The following PDLIM4 variants were observed in gnomAD, a reference collection of about 807,000 sequenced individuals.
PDLIM4 encodes the protein PDZ and LIM domain protein 4.
Under a neutral mutation model 31.3 loss-of-function variants are expected in PDLIM4, and 19 were observed. That is an observed-to-expected ratio of 0.61 (90% CI 0.42 to 0.89). The LOEUF (loss-of-function observed/expected upper bound fraction) is 0.89. Ranked by LOEUF, PDLIM4 falls within the 40% of genes least tolerant of loss-of-function variation. PDLIM4 has a pLI of 0.00. For synonymous variants in PDLIM4, 176 were observed against 190.1 expected, an observed-to-expected ratio of 0.93 and a Z score of 0.61; for missense variants, 442 against 461.1, an observed-to-expected ratio of 0.96 and a Z score of 0.38.
In PDLIM4 at chr5:132,263,658, G is replaced by A. The variant is rs73787103; in HGVS notation, c.245+898G>A. Among the ~76,000 whole-genome samples the A allele has an allele frequency of 9.3e-3, 1,421 of 152,322 alleles. 22 individuals are homozygous for A. Among genetic ancestry groups the A allele is most frequent in the African/African-American group, 0.032 (1,346 of 41,556 alleles). On this transcript the variant is annotated intron_variant, in intron 2 of 6. Transcript: ENST00000253754. ...TCGGGCATAACTTATCAGCTCTGCCGTGTTCACTGCTGAGGGGATTTCCAT... is the reference window on the plus strand; with the variant it reads ...TCGGGCATAACTTATCAGCTCTGCCATGTTCACTGCTGAGGGGATTTCCAT...
chr5:132,272,044 C>A lies in PDLIM4; in HGVS notation c.808C>A (p.Arg270=). The change falls in exon 7 of 7, where the codon CGG becomes AGG. Residue 270 remains arginine, a synonymous_variant. Transcript: ENST00000253754. ...HGIVGTIVKA[R]DKLYHPECFM... is the part of the protein sequence containing the mutation. ...CATCAGGGGCACCATCGTCAAGGCA[C>A]GGGACAAGCTCTACCATCCCGAGTG... The A allele has an allele frequency of 6.2e-7, 1 of 1,614,204 alleles. No individual in the cohort carries two copies. Among genetic ancestry groups the A allele is most frequent in the Non-Finnish European group, 8.5e-7 (1 of 1,179,988 alleles).
chr5:132,258,456 G>T (rs769608780), intron 1 of PDLIM4, among the ~76,000 whole-genome samples: 12 of 152,218 alleles, frequency 7.9e-5, no homozygotes, highest in Non-Finnish European at 1.5e-4. Flanking sequence ...ACACAAAGCC[G>T]GGGGCCAGGA....
chr5:132,266,398 A>G (rs1756493240), intron 2 of PDLIM4, 66 bp from the exon 3 acceptor site: 3 of 1,100,778 alleles, frequency 2.7e-6, no homozygotes, highest in Middle Eastern at 2.0e-4. Flanking sequence ...GCCCCTCTTG[A>G]TCCTGGCTCC....
At position 132,272,541 on chromosome 5, in the gene PDLIM4, G is replaced by GGAT; in HGVS notation, c.*314_*316dup. Reference sequence around the variant, plus strand: ...TCTAGTAATACGAAGGTGAGGTCTGGGATGCTGCGTGCGGCGCGACGACAG... The same window carrying GGAT: ...TCTAGTAATACGAAGGTGAGGTCTGGGATGATGCTGCGTGCGGCGCGACGACAG... On this transcript the variant is annotated 3_prime_UTR_variant, in exon 7 of 7. Coordinates refer to ENST00000253754, the MANE Select transcript of PDLIM4 (RefSeq NM_003687.4). 2.3e-6 allele frequency: 1 copy of GGAT among 440,644 alleles called. No homozygotes were observed. The highest frequency in any genetic ancestry group is 3.5e-5 in the Admixed American group (1 of 28,582). 27.3% of individuals were successfully genotyped at this position (440,644 alleles called of 1,614,324 possible). A position where few individuals can be genotyped will look rare whatever the true frequency, so the allele number is the denominator to read the frequency against.
At chr5:132,269,321 A>C (rs1332253674) in intron 3 of PDLIM4, among the ~76,000 whole-genome samples, 1 of 151,030 alleles carries the variant, frequency 6.6e-6, no homozygotes, top group East Asian at 2.0e-4. Context: ...CCTCCCTCCC[A>C]CCAAAGCCTC....
At chr5:132,261,538 G>A (rs916656520) in intron 1 of PDLIM4, 1 of 152,260 alleles carries the variant, frequency 6.6e-6, no homozygotes. Context: ...TGGAGAGGCT[G>A]GGTAAGAAAT....
chr5:132,271,840 C>A lies in PDLIM4; in HGVS notation c.720C>A (p.Ser240Arg), dbSNP rs758970379. The change falls in exon 6 of 7, where the codon AGC (serine) becomes AGA (arginine). Residue 240 changes from serine to arginine, a missense_variant. Ser to Arg is a moderately radical substitution (Grantham distance 110). Transcript: ENST00000253754. ...GGPRNLKPTASKLGAPLSGLQ... is the reference protein window; with the variant it reads ...GGPRNLKPTARKLGAPLSGLQ... The stretch of plus-strand genomic sequence containing the variant: ...CCCGGAACCTCAAGCCCACGGCCAG[C>A]AAGCTGGGCGCTCCGCTGAGCGGCC... 6.2e-7 allele frequency: 1 copy of A among 1,612,862 alleles called. No homozygotes were observed. Among genetic ancestry groups the A allele is most frequent in the African/African-American group, 1.3e-5 (1 of 75,060 alleles).
chr5:132,258,961 C>T (rs1756307889), intron 1 of PDLIM4, among the ~76,000 whole-genome samples: 1 of 151,978 alleles, frequency 6.6e-6, no homozygotes. Context: ...GGGGTGGGCA[C>T]CAGGTGGAGC....
chr5:132,270,991 C>G lies in PDLIM4; in HGVS notation c.404C>G (p.Ser135Cys). Reference protein sequence around the residue: ...GPEDGRPSLGSPYGQPPRFPV... With the variant: ...GPEDGRPSLGCPYGQPPRFPV... ...GAAGATGGCAGACCAAGCCTGGGAT[C>G]TCCATATGGACAACCCCCTCGCTTT... The change falls in exon 4 of 7, where the codon TCT (serine) becomes TGT (cysteine). Residue 135 changes from serine to cysteine, a missense_variant. By Grantham distance (112) the Ser-to-Cys change is moderately radical. Coordinates refer to ENST00000253754, the MANE Select transcript of PDLIM4 (RefSeq NM_003687.4). 1 of 1,614,080 alleles carries G rather than the reference C, an allele frequency of 6.2e-7. No homozygotes were observed.
chr5:132,266,900 G>A (rs1481342130), intron 3 of PDLIM4: 5 of 190,748 alleles, frequency 2.6e-5, no homozygotes, highest in South Asian at 1.4e-4. Context: ...TGCTTGCAGC[G>A]GGGGAGATTG....
At position 132,262,706 on chromosome 5, in the gene PDLIM4, A is replaced by G; in HGVS notation, c.191A>G (p.Glu64Gly). 4 of 1,613,790 alleles carry G rather than the reference A, an allele frequency of 2.5e-6. No homozygotes were observed. Among genetic ancestry groups the G allele is most frequent in the Non-Finnish European group, 3.4e-6 (4 of 1,179,840 alleles). Residue 64 changes from glutamate to glycine, a missense_variant, in exon 2 of 7, where the codon GAG (glutamate) becomes GGG (glycine). Transcript: ENST00000253754. ...AGCACAGAGCTCATGACACACCTGG[A>G]GGCACAGAACCGCATCAAGGGCTGC... The part of the protein sequence containing the change: ...GESTELMTHL[E>G]AQNRIKGCHD...
At chr5:132,269,978 A>ATGTG (rs34025617) in intron 3 of PDLIM4, among the ~76,000 whole-genome samples, 12 of 151,576 alleles carry the variant, frequency 7.9e-5, no homozygotes, top group Non-Finnish European at 1.3e-4. Flanking sequence ...TGTTGTCCTT[A>ATGTG]TGTGTGTGTG....
At chr5:132,271,145 A>G (rs1756600552) in intron 4 of PDLIM4, 52 bp downstream of exon 4, 1 of 1,560,414 alleles carries the variant, frequency 6.4e-7, no homozygotes, top group East Asian at 2.3e-5. Flanking sequence ...TTAACCCTTG[A>G]TCCCTCAAAT....
At position 132,270,944 on chromosome 5, in the gene PDLIM4, C is replaced by G; in HGVS notation, c.357C>G (p.Pro119=). The G allele has an allele frequency of 6.2e-7, 1 of 1,614,108 alleles. No individual in the cohort carries two copies. The highest frequency in any genetic ancestry group is 1.3e-5 in the African/African-American group (1 of 75,036). Residue 119 remains proline, a synonymous_variant, in exon 4 of 7, where the codon CCC becomes CCG. Transcript: ENST00000253754. ...QDGSPTTSRR[P]SGTGTGPEDG... The stretch of plus-strand genomic sequence containing the variant: ...GCAGCCCAACAACCAGCAGGCGGCC[C>G]TCAGGCACCGGGACTGGGCCAGAAG...
chr5:132,270,818 C>T, intron 3 of PDLIM4, 97 bp from the exon 4 acceptor site: 2 of 1,088,724 alleles, frequency 1.8e-6, no homozygotes, highest in South Asian at 2.8e-5. Flanking sequence ...CAACTGACAT[C>T]CACCACCTGG....
chr5:132,269,399 C>T (rs778631838), intron 3 of PDLIM4, among the ~76,000 whole-genome samples: 1 of 151,386 alleles, frequency 6.6e-6, no homozygotes, highest in Non-Finnish European at 1.5e-5. Context: ...GTCAGCCCTG[C>T]CTGCATGCTT....
At chr5:132,271,763 T>C (rs1459808289) in intron 5 of PDLIM4, 28 bp from the exon 6 acceptor site, 1 of 1,476,152 alleles carries the variant, frequency 6.8e-7, no homozygotes, top group Non-Finnish European at 9.5e-7. Flanking sequence ...CCTCACCCCG[T>C]TCATGCCACC....
At chr5:132,265,247 C>T (rs1168940937) in intron 2 of PDLIM4, among the ~76,000 whole-genome samples, 1 of 152,212 alleles carries the variant, frequency 6.6e-6, no homozygotes, top group Non-Finnish European at 1.5e-5. Flanking sequence ...GCTCTGGGTA[C>T]TTTGTGCCCT....
At chr5:132,266,370 G>C (rs1167076363) in intron 2 of PDLIM4, 94 bp from the exon 3 acceptor site, 4 of 768,970 alleles carry the variant, frequency 5.2e-6, no homozygotes, top group African/African-American at 5.2e-5. Context: ...CTACCTGCAG[G>C]GCACAGCCCA....
Sources: gnomAD v4.1 joint callset for allele counts (sites outside exome capture counted in the v4.1 genomes callset) on GRCh38, gnomAD v4.1.1 for gene constraint, MANE v1.5 for transcripts, NCBI Gene and HGNC (gene_info 2026-07-23, HGNC 2026-07-21) for gene names.